ANKFN1: variants seen among roughly 807,000 people sequenced by gnomAD.
The protein encoded by ANKFN1 is ankyrin repeat and fibronectin type-III domain-containing protein 1.
A neutral mutation model predicts 108.7 loss-of-function variants in ANKFN1; 74 were observed. That is an observed-to-expected ratio of 0.68 (90% CI 0.56 to 0.83). The LOEUF (loss-of-function observed/expected upper bound fraction) is 0.83, where lower values mean the gene tolerates loss of function less well. Ranked by LOEUF, ANKFN1 falls within the 40% of genes least tolerant of loss-of-function variation. The pLI, the probability that ANKFN1 is intolerant of heterozygous loss-of-function variation, is 0.00. For synonymous variants in ANKFN1, 547 were observed against 516.2 expected, an observed-to-expected ratio of 1.06 and a Z score of -0.81; for missense variants, 1,505 against 1,382.3, an observed-to-expected ratio of 1.09 and a Z score of -1.41.
At chr17:56,479,444 T>G (rs7225252) in intron 16 of ANKFN1, among the ~76,000 whole-genome samples, 5,994 of 152,296 alleles carry the variant, frequency 0.039, 347 homozygotes, top group African/African-American at 0.13. Flanking sequence ...TTCTCAAATA[T>G]TTCAATTATT....
intron 4 of ANKFN1, among the ~76,000 whole-genome samples, chr17:56,138,892 G>C (rs1441877663): frequency 6.6e-6 from 1 of 152,088 alleles, no homozygotes; most frequent in Non-Finnish European, 1.5e-5. Flanking sequence ...ATATAAAAAA[G>C]AATTCAAGTC....
intron 4 of ANKFN1, among the ~76,000 whole-genome samples, chr17:56,086,513 G>A (rs1905316887): frequency 1.3e-5 from 2 of 151,366 alleles, no homozygotes; most frequent in Non-Finnish European, 3.0e-5. Context: ...GTCTTCTCTT[G>A]CCACTCTCCC....
At chr17:56,414,528 A>T (rs578038114) in intron 8 of ANKFN1, among the ~76,000 whole-genome samples, 4 of 152,228 alleles carry the variant, frequency 2.6e-5, no homozygotes, top group Non-Finnish European at 5.9e-5. Flanking sequence ...TCAACAATAC[A>T]TTAAAAAGAT....
At chr17:56,357,333 G>A (rs2046402189) in intron 6 of ANKFN1, among the ~76,000 whole-genome samples, 1 of 152,206 alleles carries the variant, frequency 6.6e-6, no homozygotes, top group South Asian at 2.1e-4. Context: ...TTTAAGAGGA[G>A]GAACTTGTGA....
chr17:56,098,469 C>T (rs1427384431), intron 4 of ANKFN1, among the ~76,000 whole-genome samples: 1 of 152,006 alleles, frequency 6.6e-6, no homozygotes, highest in Non-Finnish European at 1.5e-5. Flanking sequence ...CCCCATTCCA[C>T]CAGCCAGATT....
intron 3 of ANKFN1, among the ~76,000 whole-genome samples, chr17:56,302,517 CAAA>C (rs774091391): frequency 4.1e-5 from 4 of 96,436 alleles, no homozygotes; most frequent in Middle Eastern, 4.5e-3. Flanking sequence ...CTAGCCTCTA[CAAA>C]AAAAAAAAAA....
intron 1 of ANKFN1, among the ~76,000 whole-genome samples, chr17:56,186,309 T>C (rs1364473239): frequency 3.3e-5 from 5 of 151,990 alleles, no homozygotes; most frequent in Non-Finnish European, 7.3e-5. Flanking sequence ...CATATAAAAA[T>C]AATAATTCCT....
intron 8 of ANKFN1, among the ~76,000 whole-genome samples, chr17:56,417,502 C>A (rs903830729): frequency 6.6e-6 from 1 of 152,178 alleles, no homozygotes; most frequent in African/African-American, 2.4e-5. Context: ...TAGTCAGGCA[C>A]TATATGTGTG....
intron 8 of ANKFN1, among the ~76,000 whole-genome samples, chr17:56,416,520 A>C (rs2048244737): frequency 6.6e-6 from 1 of 152,246 alleles, no homozygotes; most frequent in Admixed American, 6.5e-5. Flanking sequence ...ATCTCACCCC[A>C]GTTAAAATGG....
chr17:56,490,331 T>A (rs747038104), intron 18 of ANKFN1, among the ~76,000 whole-genome samples: 1 of 152,116 alleles, frequency 6.6e-6, no homozygotes, highest in Non-Finnish European at 1.5e-5. Context: ...TTACCGTGAA[T>A]CTTCAAGTAT....
At chr17:56,143,600 C>T (rs1009178134) in intron 4 of ANKFN1, among the ~76,000 whole-genome samples, 4 of 152,154 alleles carry the variant, frequency 2.6e-5, no homozygotes, top group Non-Finnish European at 5.9e-5. Flanking sequence ...CCCTAAGCCC[C>T]ATTACTTTAT....
intron 1 of ANKFN1, among the ~76,000 whole-genome samples, chr17:56,164,413 T>TG (rs1264033944): frequency 1.3e-5 from 2 of 152,182 alleles, no homozygotes; most frequent in East Asian, 3.9e-4. Context: ...TAATTCATTG[T>TG]GAGTTTGTCT....
chr17:56,453,160 G>T, intron 11 of ANKFN1, among the ~76,000 whole-genome samples: 1 of 151,274 alleles, frequency 6.6e-6, no homozygotes, highest in African/African-American at 2.4e-5. Context: ...AATGTTTTTC[G>T]ATTTTAGTCA....
chr17:56,445,828 C>G (rs543431718), intron 10 of ANKFN1, among the ~76,000 whole-genome samples: 70 of 152,242 alleles, frequency 4.6e-4, no homozygotes, highest in Non-Finnish European at 8.4e-4. Flanking sequence ...GTCTGAGTTA[C>G]GATCAGGAAA....
intron 3 of ANKFN1, among the ~76,000 whole-genome samples, chr17:56,302,602 C>A (rs1381472347): frequency 6.6e-6 from 1 of 151,412 alleles, no homozygotes; most frequent in Admixed American, 6.6e-5. Flanking sequence ...AACAAAAGTT[C>A]TTGATATTAA....
chr17:56,216,262 C>T (rs965127794), intron 2 of ANKFN1, among the ~76,000 whole-genome samples: 45 of 152,288 alleles, frequency 3.0e-4, no homozygotes, highest in African/African-American at 8.2e-4. Context: ...ATCCTTTATT[C>T]CTTGCCAAAA....
chr17:56,415,411 G>T (rs911425892), intron 8 of ANKFN1, among the ~76,000 whole-genome samples: 1 of 152,166 alleles, frequency 6.6e-6, no homozygotes, highest in Non-Finnish European at 1.5e-5. Context: ...TAGCATTTCT[G>T]TATGCCATCA....
At chr17:56,167,715 G>A (rs964588599) in intron 1 of ANKFN1, among the ~76,000 whole-genome samples, 1 of 152,146 alleles carries the variant, frequency 6.6e-6, no homozygotes, top group Non-Finnish European at 1.5e-5. Flanking sequence ...TCTGCACCAT[G>A]TAGTCACTCA....
intron 14 of ANKFN1, among the ~76,000 whole-genome samples, chr17:56,463,029 A>C (rs1046928688): frequency 6.6e-6 from 1 of 152,176 alleles, no homozygotes; most frequent in African/African-American, 2.4e-5. Context: ...GTGCATATCA[A>C]GCACTGTGCA....
Sources: allele counts gnomAD v4.1 joint callset (sites outside exome capture counted in the v4.1 genomes callset), GRCh38; gene constraint gnomAD v4.1.1; transcripts MANE v1.5; gene names NCBI Gene and HGNC (gene_info 2026-07-23, HGNC 2026-07-21).